Variants in CNTN4 observed in about 807,000 individuals in gnomAD.
CNTN4 encodes the protein contactin 4, also known as contactin-4.
Under a neutral mutation model 122.5 loss-of-function variants are expected in CNTN4, and 77 were observed. The observed-to-expected ratio is 0.63, with a 90% CI of 0.52 to 0.76. CNTN4 has a LOEUF of 0.76. Ranked by LOEUF, CNTN4 falls within the 30% of genes least tolerant of loss-of-function variation. The pLI is 0.00. For synonymous variants in CNTN4, 512 were observed against 447.0 expected, an observed-to-expected ratio of 1.15 and a Z score of -1.83; for missense variants, 1,256 against 1,259.1, an observed-to-expected ratio of 1.00 and a Z score of 0.04.
intron 6 of CNTN4, among the ~76,000 whole-genome samples, chr3:2,793,921 A>G (rs1045611780): frequency 6.6e-6 from 1 of 152,146 alleles, no homozygotes; most frequent in African/African-American, 2.4e-5. Context: ...TTCCTATCTG[A>G]GAAAAATGAC....
intron 3 of CNTN4, among the ~76,000 whole-genome samples, chr3:2,350,916 C>G (rs1575435577): frequency 6.6e-6 from 1 of 152,166 alleles, no homozygotes; most frequent in Non-Finnish European, 1.5e-5. Flanking sequence ...TCCTGGATTA[C>G]TCTAGCACAG....
intron 3 of CNTN4, among the ~76,000 whole-genome samples, chr3:2,366,422 A>G (rs369852614): frequency 2.4e-4 from 37 of 152,156 alleles, no homozygotes; most frequent in East Asian, 5.8e-4. Context: ...TCTAATTACA[A>G]TTTTCCTCTT....
At chr3:2,161,590 G>A in intron 2 of CNTN4, among the ~76,000 whole-genome samples, 1 of 152,110 alleles carries the variant, frequency 6.6e-6, no homozygotes, top group East Asian at 1.9e-4. Flanking sequence ...ATGAATGTTG[G>A]AGTAAGACTG....
chr3:2,483,244 G>A (rs2076057360), intron 3 of CNTN4, among the ~76,000 whole-genome samples: 1 of 152,184 alleles, frequency 6.6e-6, no homozygotes, highest in Non-Finnish European at 1.5e-5. Context: ...TTACATTTTA[G>A]ACTTGCCTGG....
intron 2 of CNTN4, among the ~76,000 whole-genome samples, chr3:2,178,743 G>A (rs1279239478): frequency 1.3e-5 from 2 of 151,876 alleles, no homozygotes; most frequent in African/African-American, 4.8e-5. Flanking sequence ...TATCTTTTTT[G>A]GGGGGTAGGT....
intron 3 of CNTN4, among the ~76,000 whole-genome samples, chr3:2,472,153 C>T (rs968262487): frequency 1.1e-5 from 1 of 91,004 alleles, no homozygotes; most frequent in African/African-American, 4.0e-5. Flanking sequence ...AATTCCATCT[C>T]AAAAAAAAAA....
chr3:2,394,224 A>T (rs2046552818), intron 3 of CNTN4, among the ~76,000 whole-genome samples: 1 of 152,088 alleles, frequency 6.6e-6, no homozygotes, highest in Non-Finnish European at 1.5e-5. Flanking sequence ...TCCAGAGTAA[A>T]GGAAGCCCCT....
chr3:2,859,060 T>C (rs560178678), intron 7 of CNTN4, among the ~76,000 whole-genome samples: 1 of 152,306 alleles, frequency 6.6e-6, no homozygotes, highest in Admixed American at 6.5e-5. Context: ...TCCTCCAACC[T>C]CCCTGCTCCC....
At chr3:2,861,839 T>A (rs1284666868) in intron 7 of CNTN4, among the ~76,000 whole-genome samples, 6 of 152,228 alleles carry the variant, frequency 3.9e-5, no homozygotes, top group African/African-American at 1.4e-4. Flanking sequence ...GATTTGATGA[T>A]CTACATATAG....
Position 2,892,062 on chromosome 3 carries a change from G to T in CNTN4, c.940+4838G>T, listed in dbSNP as rs2094048034. On this transcript the variant is annotated intron_variant, in intron 10 of 24. Coordinates refer to ENST00000418658, the MANE Select transcript of CNTN4 (RefSeq NM_175607.3). Reference sequence around the variant, plus strand: ...CTACATCTGTCTAGTTTATAGATATGGAAATTGAGTCCCAAAGAGATTAAA... The same window carrying T: ...CTACATCTGTCTAGTTTATAGATATTGAAATTGAGTCCCAAAGAGATTAAA... Among the ~76,000 whole-genome samples the T allele has an allele frequency of 2.6e-5, 4 of 152,280 alleles. No individual in the cohort carries two copies. In the South Asian group the frequency reaches 8.3e-4, roughly 32 times the overall value.
chr3:2,289,797 A>G (rs1290468883), intron 2 of CNTN4, among the ~76,000 whole-genome samples: 9 of 152,200 alleles, frequency 5.9e-5, no homozygotes. Flanking sequence ...TATTCCACTT[A>G]CTGCATTTCT....
At chr3:3,027,916 A>G (rs563180189) in intron 15 of CNTN4, among the ~76,000 whole-genome samples, 1 of 152,294 alleles carries the variant, frequency 6.6e-6, no homozygotes, top group Admixed American at 6.5e-5. Context: ...CATCTTTCAT[A>G]TGGAAAATGT....
intron 13 of CNTN4, among the ~76,000 whole-genome samples, chr3:2,936,847 A>T (rs2094571131): frequency 6.6e-6 from 1 of 152,210 alleles, no homozygotes; most frequent in Admixed American, 6.5e-5. Flanking sequence ...AATTATGCCG[A>T]TGTCAAATTT....
intron 2 of CNTN4, among the ~76,000 whole-genome samples, chr3:2,297,805 C>T (rs147064488): frequency 0.022 from 3,345 of 152,316 alleles, 72 homozygotes; most frequent in Non-Finnish European, 0.033. Flanking sequence ...TCACAGCTCA[C>T]TGCAGCCTCC....
intron 4 of CNTN4, among the ~76,000 whole-genome samples, chr3:2,608,453 C>A (rs2081347398): frequency 6.9e-6 from 1 of 144,298 alleles, no homozygotes; most frequent in South Asian, 2.3e-4. Flanking sequence ...TAGTGAGACG[C>A]TGTCTGTTTA....
In CNTN4 at chr3:2,335,581, T is replaced by TG. The variant is rs1419964521; in HGVS notation, c.-144-3594dup. Among the ~76,000 whole-genome samples the TG allele has an allele frequency of 6.7e-3, 332 of 49,740 alleles. 2 individuals carry two copies. Among genetic ancestry groups the TG allele is most frequent in the African/African-American group, 0.016 (311 of 19,710 alleles). The allele number at this position is 49,740 out of a possible 152,430, so 32.6% of individuals were successfully genotyped here. A position where few individuals can be genotyped will look rare whatever the true frequency, so the allele number is the denominator to read the frequency against. On this transcript the variant is annotated intron_variant, in intron 2 of 24. Transcript: ENST00000418658. ...AAAAGCGGCCCAGAAAAAAATTCTG[T>TG]GGGTTTTTTTTTTTTTTTTTTAACC...
chr3:3,043,026 G>A lies in CNTN4; in HGVS notation c.2561G>A (p.Arg854Gln), dbSNP rs750294828. Reference protein sequence around the residue: ...EDKEENARKIRTVGNQTSTKI... With the variant: ...EDKEENARKIQTVGNQTSTKI... ...AAAGAAGAAAATGCTAGAAAAATAC[G>A]AACAGTTGGAAATCAGACATCAACA... The change falls in exon 22 of 25, where the codon CGA becomes CAA. Residue 854 changes from arginine to glutamine, a missense_variant. Coordinates refer to ENST00000418658, the MANE Select transcript of CNTN4 (RefSeq NM_175607.3). 5 of 1,614,038 alleles carry A rather than the reference G, an allele frequency of 3.1e-6. No individual in the cohort carries two copies. The highest frequency in any genetic ancestry group is 1.7e-5 in the Admixed American group (1 of 60,016).
rs142457320 is a variant in CNTN4, at chr3:2,351,625, G to A, written c.-89+12392G>A. Reference sequence around the variant, plus strand: ...AGAGCGTGATTTCTTCACGCTACTCGGAATGGTGTAGAATTTAAAACTTAT... The same window carrying A: ...AGAGCGTGATTTCTTCACGCTACTCAGAATGGTGTAGAATTTAAAACTTAT... On this transcript the variant is annotated intron_variant, in intron 3 of 24. Coordinates refer to ENST00000418658, the MANE Select transcript of CNTN4 (RefSeq NM_175607.3). Among the ~76,000 whole-genome samples the A allele has an allele frequency of 2.4e-3, 362 of 152,256 alleles. 4 individuals are homozygous for A. The highest frequency in any genetic ancestry group is 8.1e-3 in the African/African-American group (338 of 41,548).
chr3:2,969,612 G>T (rs943043839), intron 13 of CNTN4, among the ~76,000 whole-genome samples: 3 of 152,100 alleles, frequency 2.0e-5, no homozygotes, highest in African/African-American at 7.2e-5. Flanking sequence ...ATTGTGATCA[G>T]AGTGACGTTG....
Sources: allele counts gnomAD v4.1 joint callset (sites outside exome capture counted in the v4.1 genomes callset), GRCh38; gene constraint gnomAD v4.1.1; transcripts MANE v1.5; gene names NCBI Gene and HGNC (gene_info 2026-07-23, HGNC 2026-07-21).